The following MED29 variants were observed in gnomAD, a reference collection of about 807,000 sequenced individuals.
The protein encoded by MED29 is mediator complex subunit 29, also known as mediator of RNA polymerase II transcription subunit 29.
Under a neutral mutation model 22.0 loss-of-function variants are expected in MED29, and 14 were observed. That is an observed-to-expected ratio of 0.64 (90% CI 0.42 to 0.99). The LOEUF (loss-of-function observed/expected upper bound fraction) is 0.99, where lower values mean the gene tolerates loss of function less well. Among genes scored for constraint, MED29 ranks in the 50% least tolerant of loss-of-function variants. MED29 has a pLI of 0.00. For synonymous variants in MED29, 123 were observed against 107.8 expected, an observed-to-expected ratio of 1.14 and a Z score of -0.87; for missense variants, 241 against 253.7, an observed-to-expected ratio of 0.95 and a Z score of 0.34.
intron 2 of MED29, among the ~76,000 whole-genome samples, chr19:39,393,118 CAG>C (rs1725821444): frequency 2.3e-5 from 2 of 87,684 alleles, no homozygotes; most frequent in South Asian, 7.6e-4. Flanking sequence ...TTTTTTGAGA[CAG>C]AGTCTTGCTC....
rs2078446063 is a variant in MED29 at position 39,398,970 on chromosome 19, A to G, written c.*1271A>G. On this transcript the variant is annotated 3_prime_UTR_variant, in exon 4 of 4. Coordinates refer to ENST00000315588, the MANE Select transcript of MED29 (RefSeq NM_017592.4). ...TGTGTCCCAGGAAATTCCTCCCCTT[A>G]TTCTTCCTTGAAGTGCCCGAGCATG... 1 of 152,124 alleles carries G rather than the reference A, an allele frequency of 6.6e-6. No homozygotes were observed. Among genetic ancestry groups the G allele is most frequent in the South Asian group, 2.1e-4 (1 of 4,830 alleles). The allele number at this position is 152,124 out of a possible 1,614,324, so 9.4% of individuals were successfully genotyped here.
At chr19:39,392,423 G>C (rs774533191) in intron 1 of MED29, 41 bp from the exon 2 acceptor site, 23 of 1,480,564 alleles carry the variant, frequency 1.6e-5, no homozygotes, top group Non-Finnish European at 2.1e-5. Flanking sequence ...ATTCCCTTTT[G>C]TTTTTCCATT....
Position 39,393,456 on chromosome 19 carries a change from T to G in MED29, c.276-97T>G, listed in dbSNP as rs966215433. 4.5e-6 allele frequency: 5 copies of G among 1,122,322 alleles called. No homozygotes were observed. In the Admixed American group the frequency reaches 5.1e-5, roughly 12 times the overall value. The allele number at this position is 1,122,322 out of a possible 1,614,324, so 69.5% of individuals were successfully genotyped here. On this transcript the variant is annotated intron_variant, in intron 2 of 3. Transcript: ENST00000315588. ...ACCACTACTTCAGATCTCCTGGACCTGTACCTGGTTTCCTGATGGACACTT... is the reference window on the plus strand; with the variant it reads ...ACCACTACTTCAGATCTCCTGGACCGGTACCTGGTTTCCTGATGGACACTT...
At position 39,391,564 on chromosome 19, in the gene MED29, C is replaced by T; in HGVS notation, c.142C>T (p.Gln48Ter). ...LVGPAQSGLLQQQQQDFDPVQ... is the reference protein window; with the variant it reads ...LVGPAQSGLL The stretch of plus-strand genomic sequence containing the variant: ...GGGCCCTGCCCAGAGCGGCCTCCTG[C>T]AGCAACAGCAACAGGACTTCGATCC... The change falls in exon 1 of 4, where the codon CAG becomes TAG. Residue 48 changes from glutamine (Q) to a stop codon, truncating the protein, a stop_gained. Transcript: ENST00000315588. LOFTEE classifies it high-confidence loss of function. 6.2e-7 allele frequency: 1 copy of T among 1,613,608 alleles called. No individual in the cohort carries two copies. The highest frequency in any genetic ancestry group is 8.5e-7 in the Non-Finnish European group (1 of 1,179,868).
intron 3 of MED29, among the ~76,000 whole-genome samples, chr19:39,397,030 A>AG (rs1387641980): frequency 5.8e-5 from 7 of 120,906 alleles, no homozygotes; most frequent in Admixed American, 2.7e-4. Flanking sequence ...CTCCATCTCA[A>AG]AAAAAAAAAA....
intron 2 of MED29, among the ~76,000 whole-genome samples, chr19:39,393,149 G>C (rs577513875): frequency 1.5e-5 from 2 of 129,934 alleles, no homozygotes; most frequent in African/African-American, 5.8e-5. Flanking sequence ...AGGCTGGAGT[G>C]CAGTGGTGTA....
intron 3 of MED29, among the ~76,000 whole-genome samples, chr19:39,395,927 AAGG>A (rs1015196391): frequency 2.6e-5 from 4 of 151,540 alleles, no homozygotes; most frequent in East Asian, 2.0e-4. Flanking sequence ...AAAAAAAAAA[AAGG>A]AGGACTGTCC....
chr19:39,395,399 A>G (rs2078422806), intron 3 of MED29, among the ~76,000 whole-genome samples: 1 of 152,146 alleles, frequency 6.6e-6, no homozygotes, highest in Non-Finnish European at 1.5e-5. Flanking sequence ...CCTCTGGCTG[A>G]CAAATGAGGG....
At position 39,393,198 on chromosome 19, in the gene MED29, T is replaced by C. The variant is rs968211960; in HGVS notation, c.276-355T>C. Among the ~76,000 whole-genome samples the C allele has an allele frequency of 2.1e-5, 3 of 146,320 alleles. No homozygotes were observed. In the East Asian group the frequency reaches 6.5e-4, roughly 32 times the overall value. On this transcript the variant is annotated intron_variant, in intron 2 of 3. Coordinates refer to ENST00000315588, the MANE Select transcript of MED29 (RefSeq NM_017592.4). ...GCAACCTCTGCCTCCCGGGTTCAAA[T>C]GATTCTCCTGCCTCGGCCTCCCAAG...
intron 3 of MED29, among the ~76,000 whole-genome samples, chr19:39,395,184 G>A (rs1282583000): frequency 6.6e-6 from 1 of 152,160 alleles, no homozygotes. Flanking sequence ...AGGTTGAGAA[G>A]CTTGGTAGTG....
chr19:39,391,514 A>G lies in MED29; in HGVS notation c.92A>G (p.Gln31Arg). 2 of 1,612,916 alleles carry G rather than the reference A, an allele frequency of 1.2e-6. No individual in the cohort carries two copies. Among genetic ancestry groups the G allele is most frequent in the South Asian group, 2.2e-5 (2 of 91,074 alleles). ...SSAGGPGPQQ[Q>R]PQPPAQLVGP... ...GCTGGCGGCCCGGGTCCCCAGCAGC[A>G]GCCGCAACCGCCAGCACAACTGGTG... Residue 31 changes from glutamine (Q) to arginine (R), a missense_variant, in exon 1 of 4, where the codon CAG becomes CGG. Transcript: ENST00000315588.
At chr19:39,394,325 G>C (rs370142433) in intron 3 of MED29, among the ~76,000 whole-genome samples, 3 of 152,014 alleles carry the variant, frequency 2.0e-5, no homozygotes, top group Non-Finnish European at 4.4e-5. Context: ...GCAGTGGCAC[G>C]ATCTAGGCTC....
chr19:39,394,978 A>AGCCTCCC (rs1555728574), intron 3 of MED29, among the ~76,000 whole-genome samples: 4 of 150,494 alleles, frequency 2.7e-5, no homozygotes, highest in Non-Finnish European at 5.9e-5. Flanking sequence ...CTCCCACCTC[A>AGCCTCCC]AAGTAGCTGG....
chr19:39,392,955 G>T (rs574200210), intron 2 of MED29, among the ~76,000 whole-genome samples: 32 of 151,596 alleles, frequency 2.1e-4, no homozygotes, highest in Non-Finnish European at 4.1e-4. Flanking sequence ...TTGCCACGTT[G>T]TCCAGGCTGG....
chr19:39,396,114 A>G (rs2078427062), intron 3 of MED29, among the ~76,000 whole-genome samples: 1 of 152,082 alleles, frequency 6.6e-6, no homozygotes, highest in Non-Finnish European at 1.5e-5. Context: ...GGGCCTAGGA[A>G]TGGCTGCACT....
intron 3 of MED29, 114 bp from the exon 4 acceptor site, chr19:39,397,343 C>A: frequency 8.4e-7 from 1 of 1,191,892 alleles, no homozygotes; most frequent in Non-Finnish European, 1.2e-6. Flanking sequence ...CAACCTCTGA[C>A]TCTAAGACCT....
chr19:39,395,134 G>A (rs773271671), intron 3 of MED29, among the ~76,000 whole-genome samples: 3 of 152,252 alleles, frequency 2.0e-5, no homozygotes, highest in Non-Finnish European at 2.9e-5. Context: ...ATTACAGACC[G>A]CTGTGCCGGG....
At chr19:39,396,192 G>T (rs2078427438) in intron 3 of MED29, among the ~76,000 whole-genome samples, 1 of 152,154 alleles carries the variant, frequency 6.6e-6, no homozygotes, top group African/African-American at 2.4e-5. Flanking sequence ...TGTAACTCCA[G>T]CATTTTGGGA....
chr19:39,400,039 G>C lies in MED29; in HGVS notation c.*2340G>C, dbSNP rs1458249473. 1 of 152,190 alleles carries C rather than the reference G, an allele frequency of 6.6e-6. No individual in the cohort carries two copies. The highest frequency in any genetic ancestry group is 1.5e-5 in the Non-Finnish European group (1 of 68,034). 9.4% of individuals were successfully genotyped at this position (152,190 alleles called of 1,614,324 possible). On this transcript the variant is annotated 3_prime_UTR_variant, in exon 4 of 4. Coordinates refer to ENST00000315588, the MANE Select transcript of MED29 (RefSeq NM_017592.4). ...GTGAGAGACAGTAAATGTGACAAAAGTAAAATATATCAGATGGTGAGAAAA... is the reference window on the plus strand; with the variant it reads ...GTGAGAGACAGTAAATGTGACAAAACTAAAATATATCAGATGGTGAGAAAA...
Sources: gnomAD v4.1 joint callset for allele counts (sites outside exome capture counted in the v4.1 genomes callset) on GRCh38, gnomAD v4.1.1 for gene constraint, MANE v1.5 for transcripts, NCBI Gene and HGNC (gene_info 2026-07-23, HGNC 2026-07-21) for gene names.